Variants in WDR1 observed in about 807,000 individuals in gnomAD.
WDR1 encodes the protein WD repeat-containing protein 1.
WDR1 carries 21 observed loss-of-function variants against 71.9 expected under a neutral mutation model. That is an observed-to-expected ratio of 0.29 (90% confidence interval 0.21 to 0.42). The LOEUF is 0.42. Among genes scored for constraint, WDR1 ranks in the 10% least tolerant of loss-of-function variants. The pLI is 1.00. For missense variants in WDR1, 696 were observed against 824.5 expected (o/e 0.84, Z 1.91); for synonymous variants, 424 against 347.4 (o/e 1.22, Z -2.45).
chr4:10,086,342 T>C (rs1264644594), intron 8 of WDR1, among the ~76,000 whole-genome samples: 2 of 152,192 alleles, frequency 1.3e-5, no homozygotes, highest in Non-Finnish European at 2.9e-5. Flanking sequence ...AGGCCACGTC[T>C]AGTGAACCTT....
chr4:10,116,344 C>G, intron 1 of WDR1, 110 bp from the exon 2 acceptor site: 10 of 1,473,822 alleles, frequency 6.8e-6, no homozygotes, highest in Non-Finnish European at 9.2e-6. Flanking sequence ...TTGACTGCGC[C>G]GGGAGGGCGG....
chr4:10,085,608 G>A (rs1193999854), intron 8 of WDR1, among the ~76,000 whole-genome samples: 1 of 152,234 alleles, frequency 6.6e-6, no homozygotes, highest in African/African-American at 2.4e-5. Flanking sequence ...AGACTTGTGT[G>A]CAGGCTCAAT....
At position 10,116,796 on chromosome 4, in the gene WDR1, G is replaced by A. The variant is rs1199802107; in HGVS notation, c.-130C>T. On this transcript the variant is annotated 5_prime_UTR_variant, in exon 1 of 15. Transcript: ENST00000499869. The stretch of plus-strand genomic sequence containing the variant: ...GGCGGCACCGGGCGTGCCGGGAGTG[G>A]AGTGGGCGGTCCGAGGCCGGGGCTC... The A allele has an allele frequency of 3.6e-6, 4 of 1,106,746 alleles. No individual in the cohort carries two copies. In the African/African-American group the frequency reaches 6.6e-5, roughly 18 times the overall value. The allele number at this position is 1,106,746 out of a possible 1,614,324, so 68.6% of individuals were successfully genotyped here.
chr4:10,092,684 G>A lies in WDR1; in HGVS notation c.559-3943C>T. Reference sequence around the variant, plus strand: ...CTGCTCCTGAAATAGCCCCTTCAAAGAGAGAAGCCGCGAAAAGCCCATTAA... The same window carrying A: ...CTGCTCCTGAAATAGCCCCTTCAAAAAGAGAAGCCGCGAAAAGCCCATTAA... On this transcript the variant is annotated intron_variant, in intron 5 of 14. Transcript: ENST00000499869. 2 of 271,568 alleles carry A rather than the reference G, an allele frequency of 7.4e-6. 1 individual carries two copies. The highest frequency in any genetic ancestry group is 7.4e-5 in the South Asian group (2 of 27,080). 16.8% of individuals were successfully genotyped at this position (271,568 alleles called of 1,614,324 possible).
At position 10,083,107 on chromosome 4, in the gene WDR1, T is replaced by C. The variant is rs749358682; in HGVS notation, c.1111A>G (p.Met371Val). 1 of 1,613,944 alleles carries C rather than the reference T, an allele frequency of 6.2e-7. No homozygotes were observed. Among genetic ancestry groups the C allele is most frequent in the Non-Finnish European group, 8.5e-7 (1 of 1,179,878 alleles). ...AGCTGCCCCGACTCATCCACGGTCA[T>C]CCTGGACACCTGGTTCGTGTGGCCT... ...GKGHTNQVSR[M>V]TVDESGQLIS... Residue 371 changes from methionine (M) to valine (V), a missense_variant, in exon 10 of 15, where the codon ATG becomes GTG. Physicochemically the swap from Met to Val is conservative, Grantham distance 21. Transcript: ENST00000499869.
rs1218117444 is a variant in WDR1 at position 10,116,617 on chromosome 4, C to T, written c.16+34G>A. ...GGGGACCGGGGCCGGGGCAGCGCGG[C>T]GGCCGCTCGGGGGCCCCGCGCCGCG... On this transcript the variant is annotated intron_variant, in intron 1 of 14. Transcript: ENST00000499869. 2.1e-5 allele frequency: 25 copies of T among 1,209,692 alleles called. No individual in the cohort carries two copies. The African/African-American group carries it at 2.1e-4, about 10-fold the overall frequency. 74.9% of individuals were successfully genotyped at this position (1,209,692 alleles called of 1,614,324 possible).
At chr4:10,099,162 G>GGGT in intron 3 of WDR1, 23 bp from the exon 4 acceptor site, 1 of 1,404,152 alleles carries the variant, frequency 7.1e-7, no homozygotes. Context: ...GCGGGCGGGG[G>GGGT]AGGGGGGGAG....
At chr4:10,079,814 C>A (rs1041419777) in intron 11 of WDR1, among the ~76,000 whole-genome samples, 3 of 152,216 alleles carry the variant, frequency 2.0e-5, no homozygotes, top group Non-Finnish European at 4.4e-5. Context: ...AAACCTACTA[C>A]TGAAGAGGCA....
chr4:10,091,927 C>A (rs949772594), intron 5 of WDR1: 2 of 152,412 alleles, frequency 1.3e-5, no homozygotes, highest in African/African-American at 4.8e-5. Context: ...ACTTCTAGAC[C>A]CCCTGTTGGG....
chr4:10,092,582 G>C (rs1345518247), intron 5 of WDR1: 12 of 211,046 alleles, frequency 5.7e-5, no homozygotes, highest in Non-Finnish European at 9.7e-6. Flanking sequence ...CAGGGACACA[G>C]ATGCCCCTCG....
rs1765080486 is a variant in WDR1, at chr4:10,083,147, G to C, written c.1071C>G (p.Asp357Glu). The C allele has an allele frequency of 6.2e-7, 1 of 1,613,960 alleles. No homozygotes were observed. The highest frequency in any genetic ancestry group is 8.5e-7 in the Non-Finnish European group (1 of 1,179,876). Residue 357 changes from aspartate (D) to glutamate (E), a missense_variant, in exon 10 of 15, where the codon GAC (aspartate) becomes GAG (glutamate). Physicochemically the swap from Asp to Glu is conservative, Grantham distance 45. Transcript: ENST00000499869. ...TCGTGTGGCCTTTCCCAGCGAAGGA[G>C]TCGTTCTCCCCCGTCTCTGAATCCC... ...NYWDSETGEN[D>E]SFAGKGHTNQ...
At chr4:10,098,539 A>G (rs931320224) in intron 4 of WDR1, among the ~76,000 whole-genome samples, 4 of 152,174 alleles carry the variant, frequency 2.6e-5, no homozygotes, top group Non-Finnish European at 5.9e-5. Context: ...GTAGCCACCC[A>G]GTGCCACCCA....
rs559660236 is a variant in WDR1 at position 10,075,256 on chromosome 4, C to A, written c.*122G>T. On this transcript the variant is annotated 3_prime_UTR_variant, in exon 15 of 15. Coordinates refer to ENST00000499869, the MANE Select transcript of WDR1 (RefSeq NM_017491.5). ...GAGACGAGGGTCATGACTGGGCCCT[C>A]CTGCCTCTTGTGGTGGGGTGGGGGC... The A allele has an allele frequency of 5.1e-5, 41 of 809,330 alleles. No homozygotes were observed. The East Asian group carries it at 9.3e-4, about 18-fold the overall frequency. The allele number at this position is 809,330 out of a possible 1,614,324, so 50.1% of individuals were successfully genotyped here. A position where few individuals can be genotyped will look rare whatever the true frequency, so the allele number is the denominator to read the frequency against.
In WDR1 at chr4:10,083,112, G is replaced by T; in HGVS notation, c.1106C>A (p.Ser369Tyr). ...CCCCGACTCATCCACGGTCATCCTG[G>T]ACACCTGGTTCGTGTGGCCTTTCCC... The part of the protein sequence containing the change: ...FAGKGHTNQV[S>Y]RMTVDESGQL... Residue 369 changes from serine to tyrosine, a missense_variant, in exon 10 of 15, where the codon TCC becomes TAC. Coordinates refer to ENST00000499869, the MANE Select transcript of WDR1 (RefSeq NM_017491.5). 1 of 1,613,938 alleles carries T rather than the reference G, an allele frequency of 6.2e-7. No individual in the cohort carries two copies. Among genetic ancestry groups the T allele is most frequent in the Non-Finnish European group, 8.5e-7 (1 of 1,179,884 alleles).
At chr4:10,112,109 T>C (rs969689767) in intron 2 of WDR1, among the ~76,000 whole-genome samples, 5 of 152,152 alleles carry the variant, frequency 3.3e-5, no homozygotes, top group African/African-American at 4.8e-5. Flanking sequence ...ACTGGCATTT[T>C]AGGCTGGGTA....
At position 10,077,353 on chromosome 4, in the gene WDR1, C is replaced by T. The variant is rs1764838102; in HGVS notation, c.1665G>A (p.Met555Ile). 6.2e-7 allele frequency: 1 copy of T among 1,613,874 alleles called. No individual in the cohort carries two copies. The highest frequency in any genetic ancestry group is 8.5e-7 in the Non-Finnish European group (1 of 1,179,884). ...EHFASGGMDM[M>I]VYVWTLSDPE... ...GGTCACTCAGGGTCCAAACATACAC[C>T]ATCATGTCCATGCCACCGGAGGCAA... Residue 555 changes from methionine to isoleucine, a missense_variant, in exon 14 of 15, where the codon ATG becomes ATA. By Grantham distance (10) the Met-to-Ile change is conservative. Transcript: ENST00000499869.
intron 8 of WDR1, among the ~76,000 whole-genome samples, chr4:10,086,966 T>G (rs919205145): frequency 6.6e-5 from 10 of 152,124 alleles, no homozygotes; most frequent in African/African-American, 2.4e-4. Context: ...AGCTGCGAGA[T>G]TCCCAGAGGC....
In WDR1 at chr4:10,099,018, G is replaced by A; in HGVS notation, c.351C>T (p.Ile117=). The A allele has an allele frequency of 5.0e-6, 8 of 1,614,014 alleles. No individual in the cohort carries two copies. In the East Asian group the frequency reaches 6.7e-5, roughly 13 times the overall value. ...TCTCCCTTCCTTCCCCGACCACGGCGATCCTCTTACTGTCTTCAGTCCAAG... is the reference window on the plus strand; with the variant it reads ...TCTCCCTTCCTTCCCCGACCACGGCAATCCTCTTACTGTCTTCAGTCCAAG... ...DIAWTEDSKR[I]AVVGEGREKF... is the part of the protein sequence containing the mutation. The change falls in exon 4 of 15, where the codon ATC becomes ATT. Residue 117 remains isoleucine (I), a synonymous_variant. Coordinates refer to ENST00000499869, the MANE Select transcript of WDR1 (RefSeq NM_017491.5).
intron 10 of WDR1, among the ~76,000 whole-genome samples, chr4:10,081,774 T>C (rs1765025504): frequency 6.6e-6 from 1 of 152,064 alleles, no homozygotes; most frequent in African/African-American, 2.4e-5. Context: ...CCCTGTCTGT[T>C]GGCTAAAGAC....
Sources: gnomAD v4.1 joint callset for allele counts (sites outside exome capture counted in the v4.1 genomes callset) on GRCh38, gnomAD v4.1.1 for gene constraint, MANE v1.5 for transcripts, NCBI Gene and HGNC (gene_info 2026-07-23, HGNC 2026-07-21) for gene names.